Variants in PEAK1 observed in about 807,000 individuals in gnomAD.
PEAK1 encodes the protein pseudopodium enriched atypical kinase 1, also known as inactive tyrosine-protein kinase PEAK1.
PEAK1 carries 54 observed loss-of-function variants against 124.7 expected under a neutral mutation model. The ratio of observed to expected loss-of-function variants is 0.43; its 90% CI spans 0.35 to 0.54. The LOEUF (loss-of-function observed/expected upper bound fraction) is 0.54, where lower values mean the gene tolerates loss of function less well. Ranked by LOEUF, PEAK1 falls within the 20% of genes least tolerant of loss-of-function variation. The pLI, the probability that PEAK1 is intolerant of heterozygous loss-of-function variation, is 0.01. For missense variants in PEAK1, 2,046 were observed against 2,134.5 expected, an observed-to-expected ratio of 0.96 and a Z score of 0.82; for synonymous variants, 719 against 760.0, an observed-to-expected ratio of 0.95 and a Z score of 0.89.
chr15:77,368,519 A>G (rs1281819517), intron 1 of PEAK1, among the ~76,000 whole-genome samples: 11 of 149,248 alleles, frequency 7.4e-5, no homozygotes, highest in Admixed American at 6.7e-4. Context: ...TGCCATCTCA[A>G]AAAAAAAAAA....
At chr15:77,410,840 C>G (rs1254596420) in intron 1 of PEAK1, among the ~76,000 whole-genome samples, 1 of 152,128 alleles carries the variant, frequency 6.6e-6, no homozygotes, top group Admixed American at 6.5e-5. Flanking sequence ...TTACCTGCCC[C>G]CTATCCTACA....
At chr15:77,243,630 G>C (rs1300807125) in intron 6 of PEAK1, among the ~76,000 whole-genome samples, 5 of 152,208 alleles carry the variant, frequency 3.3e-5, no homozygotes, top group Non-Finnish European at 5.9e-5. Flanking sequence ...GTGACTACAA[G>C]CTACAATGAA....
At chr15:77,296,151 C>T (rs936623745) in intron 2 of PEAK1, among the ~76,000 whole-genome samples, 2 of 151,964 alleles carry the variant, frequency 1.3e-5, no homozygotes, top group Non-Finnish European at 2.9e-5. Context: ...AAGAGAGCAA[C>T]GTAGACAGTG....
At chr15:77,348,798 TGGGGGA>T in intron 2 of PEAK1, 3 of 257,630 alleles carry the variant, frequency 1.2e-5, no homozygotes, top group Non-Finnish European at 1.3e-5. Context: ...TTTGTTTTTG[TGGGGGA>T]GGGGGCGGGC....
At chr15:77,264,546 A>T (rs2061613542) in intron 5 of PEAK1, among the ~76,000 whole-genome samples, 1 of 152,210 alleles carries the variant, frequency 6.6e-6, no homozygotes, top group African/African-American at 2.4e-5. Flanking sequence ...CCAATTTACA[A>T]GGGACGTGAA....
intron 5 of PEAK1, among the ~76,000 whole-genome samples, chr15:77,253,242 CG>C (rs1567170403): frequency 3.2e-5 from 2 of 62,660 alleles, no homozygotes; most frequent in East Asian, 2.8e-4. Context: ...TTTTGGTATG[CG>C]TTGGGGGGGG....
At chr15:77,229,878 C>T (rs1256695773) in intron 6 of PEAK1, among the ~76,000 whole-genome samples, 2 of 152,074 alleles carry the variant, frequency 1.3e-5, no homozygotes, top group Non-Finnish European at 2.9e-5. Flanking sequence ...CACTCTCAAC[C>T]TCAGGTGATC....
At chr15:77,253,854 T>C (rs1474730517) in intron 5 of PEAK1, among the ~76,000 whole-genome samples, 1 of 152,200 alleles carries the variant, frequency 6.6e-6, no homozygotes, top group Non-Finnish European at 1.5e-5. Flanking sequence ...GATAGAGTTT[T>C]GCTCTTTTGC....
At chr15:77,391,661 A>G (rs560554034) in intron 1 of PEAK1, among the ~76,000 whole-genome samples, 7 of 152,316 alleles carry the variant, frequency 4.6e-5, no homozygotes, top group Admixed American at 3.9e-4. Context: ...AGTGTAAAGC[A>G]CAAAGATACA....
At chr15:77,328,322 G>C (rs1338882534) in intron 2 of PEAK1, among the ~76,000 whole-genome samples, 3 of 152,200 alleles carry the variant, frequency 2.0e-5, no homozygotes, top group African/African-American at 7.2e-5. Flanking sequence ...CCACAAAACT[G>C]TATAATAAGC....
rs774619988 is a variant in PEAK1 at position 77,114,413 on chromosome 15, T to A, written c.4984A>T (p.Ile1662Phe). ...GGGCCCCAGAGCAGACACTGGAGGA[T>A]GCCTTTGGCGTCTGAAATGAGGATC... ...ERILISDAKG[I>F]LQCLLWGPRE... Residue 1662 changes from isoleucine to phenylalanine, a missense_variant, in exon 10 of 10, where the codon ATC (isoleucine) becomes TTC (phenylalanine). Coordinates refer to ENST00000682557, the MANE Select transcript of PEAK1 (RefSeq NM_001385026.1). The A allele has an allele frequency of 1.2e-6, 2 of 1,614,054 alleles. No homozygotes were observed. Among genetic ancestry groups the A allele is most frequent in the African/African-American group, 2.7e-5 (2 of 74,910 alleles).
intron 8 of PEAK1, among the ~76,000 whole-genome samples, chr15:77,140,701 G>A (rs896839090): frequency 4.6e-5 from 7 of 151,428 alleles, no homozygotes; most frequent in South Asian, 2.1e-4. Context: ...AAGGATTTGC[G>A]TTCTTGCCAT....
intron 9 of PEAK1, among the ~76,000 whole-genome samples, chr15:77,119,976 G>A (rs1596250419): frequency 6.6e-6 from 1 of 152,142 alleles, no homozygotes; most frequent in Non-Finnish European, 1.5e-5. Flanking sequence ...TGGGACCTGT[G>A]AGAGGACATA....
At chr15:77,276,503 C>A (rs1197846144) in intron 5 of PEAK1, among the ~76,000 whole-genome samples, 1 of 151,646 alleles carries the variant, frequency 6.6e-6, no homozygotes, top group Non-Finnish European at 1.5e-5. Context: ...AAATATCCTG[C>A]AGAAATGAAG....
intron 2 of PEAK1, among the ~76,000 whole-genome samples, chr15:77,327,469 A>G (rs1298648188): frequency 1.3e-5 from 2 of 152,070 alleles, no homozygotes; most frequent in African/African-American, 2.4e-5. Flanking sequence ...TTTCTTTAAC[A>G]CTCATATTTC....
intron 9 of PEAK1, 25 bp downstream of exon 9, chr15:77,132,980 C>G: frequency 6.3e-7 from 1 of 1,583,870 alleles, no homozygotes; most frequent in Non-Finnish European, 8.6e-7. Flanking sequence ...TAAGACTTAA[C>G]ATGAGATTTA....
chr15:77,281,250 C>T (rs1387440192), intron 5 of PEAK1, among the ~76,000 whole-genome samples: 1 of 152,108 alleles, frequency 6.6e-6, no homozygotes, highest in Admixed American at 6.6e-5. Flanking sequence ...TTTCTGCCAG[C>T]CAAATGATGC....
chr15:77,152,561 T>G (rs1375591331), intron 8 of PEAK1, among the ~76,000 whole-genome samples: 2 of 152,282 alleles, frequency 1.3e-5, no homozygotes, highest in African/African-American at 2.4e-5. Flanking sequence ...ATCCCTGTCT[T>G]GTGCCAGTTT....
intron 2 of PEAK1, among the ~76,000 whole-genome samples, chr15:77,307,041 A>G (rs1232022671): frequency 6.6e-6 from 1 of 152,146 alleles, no homozygotes; most frequent in Non-Finnish European, 1.5e-5. Context: ...CTATTACTTC[A>G]TATTTCCTCA....
Sources: gnomAD v4.1 joint callset for allele counts (sites outside exome capture counted in the v4.1 genomes callset) on GRCh38, gnomAD v4.1.1 for gene constraint, MANE v1.5 for transcripts, NCBI Gene and HGNC (gene_info 2026-07-23, HGNC 2026-07-21) for gene names.